The following BMERB1 variants were observed in gnomAD, a reference collection of about 807,000 sequenced individuals.
BMERB1 encodes the protein bMERB domain containing 1, also known as bMERB domain-containing protein 1.
Under a neutral mutation model 23.6 loss-of-function variants are expected in BMERB1, and 12 were observed. The observed-to-expected ratio is 0.51, with a 90% confidence interval of 0.33 to 0.82. The LOEUF (loss-of-function observed/expected upper bound fraction) is 0.82, where lower values mean the gene tolerates loss of function less well. Among genes scored for constraint, BMERB1 ranks in the 40% least tolerant of loss-of-function variants. The pLI, the probability that BMERB1 is intolerant of heterozygous loss-of-function variation, is 0.03. For synonymous variants in BMERB1, 122 were observed against 96.6 expected, an observed-to-expected ratio of 1.26 and a Z score of -1.54; for missense variants, 247 against 255.4, an observed-to-expected ratio of 0.97 and a Z score of 0.22.
Position 15,584,063 on chromosome 16 carries a change from A to C in BMERB1, c.502+825A>C, listed in dbSNP as rs758407933. The stretch of plus-strand genomic sequence containing the variant: ...TGTCTCAGAATATTAACCTCATCAG[A>C]TCCTCAGAGCAAAGAGGGTTTTATA... On this transcript the variant is annotated intron_variant, in intron 5 of 5. Coordinates refer to ENST00000300006, the MANE Select transcript of BMERB1 (RefSeq NM_033201.3). 4.3e-6 allele frequency: 3 copies of C among 702,102 alleles called. No individual in the cohort carries two copies. In the African/African-American group the frequency reaches 5.2e-5, roughly 12 times the overall value. The allele number at this position is 702,102 out of a possible 1,614,324, so 43.5% of individuals were successfully genotyped here.
chr16:15,441,865 A>G (rs916545892), intron 1 of BMERB1, among the ~76,000 whole-genome samples: 1 of 152,172 alleles, frequency 6.6e-6, no homozygotes, highest in Non-Finnish European at 1.5e-5. Flanking sequence ...TAGATGGGGA[A>G]TAAGTCCATA....
At chr16:15,583,090 T>C (rs2031055889) in intron 4 of BMERB1, 66 bp from the exon 5 acceptor site, 1 of 1,244,918 alleles carries the variant, frequency 8.0e-7, no homozygotes, top group Non-Finnish European at 1.2e-6. Context: ...GTTTATTTCA[T>C]TGGTTCCTTG....
intron 5 of BMERB1, among the ~76,000 whole-genome samples, chr16:15,583,520 G>A (rs2031068069): frequency 6.7e-6 from 1 of 149,042 alleles, no homozygotes; most frequent in African/African-American, 2.5e-5. Flanking sequence ...GGGGGTTGCA[G>A]TGAGCTGAGA....
At chr16:15,523,251 G>C (rs182864503) in intron 2 of BMERB1, among the ~76,000 whole-genome samples, 309 of 152,184 alleles carry the variant, frequency 2.0e-3, no homozygotes, top group Admixed American at 3.2e-3. Context: ...AGACGCTTGT[G>C]TCTTCTTTGC....
intron 3 of BMERB1, among the ~76,000 whole-genome samples, chr16:15,573,225 C>T (rs1272727302): frequency 2.6e-5 from 4 of 152,154 alleles, no homozygotes; most frequent in African/African-American, 9.7e-5. Flanking sequence ...AGCCTGACCT[C>T]CTCAATGGCT....
chr16:15,563,422 T>C (rs925334442), intron 2 of BMERB1, among the ~76,000 whole-genome samples: 1 of 152,010 alleles, frequency 6.6e-6, no homozygotes, highest in South Asian at 2.1e-4. Flanking sequence ...GGTTTCACCA[T>C]GTTAGACAGG....
At chr16:15,512,314 G>A (rs1476317838) in intron 1 of BMERB1, among the ~76,000 whole-genome samples, 5 of 152,126 alleles carry the variant, frequency 3.3e-5, no homozygotes, top group African/African-American at 7.2e-5. Flanking sequence ...AGAAGAGGGC[G>A]CTGTTCTATC....
intron 3 of BMERB1, among the ~76,000 whole-genome samples, chr16:15,574,107 TTACAATCATGGTGG>T (rs2030800227): frequency 6.7e-6 from 1 of 150,122 alleles, no homozygotes; most frequent in African/African-American, 2.5e-5. Context: ...CTCAGGAAAC[TTACAATCATGGTGG>T]AAGGTGAAGG....
chr16:15,573,233 G>T (rs2030776270), intron 3 of BMERB1, among the ~76,000 whole-genome samples: 3 of 152,172 alleles, frequency 2.0e-5, no homozygotes. Flanking sequence ...CTCCTCAATG[G>T]CTTATAGGTA....
chr16:15,549,676 TAAAA>T (rs768470162), intron 2 of BMERB1, among the ~76,000 whole-genome samples: 1 of 130,658 alleles, frequency 7.7e-6, no homozygotes, highest in Non-Finnish European at 1.7e-5. Context: ...AGACATTGTC[TAAAA>T]AAAAAAAAAA....
intron 2 of BMERB1, among the ~76,000 whole-genome samples, chr16:15,552,749 T>C (rs1313035602): frequency 6.6e-6 from 1 of 152,336 alleles, no homozygotes. Flanking sequence ...TGAAAATAGA[T>C]CAGGAGGGCT....
At chr16:15,541,905 A>AT (rs35159147) in intron 2 of BMERB1, among the ~76,000 whole-genome samples, 167 of 110,052 alleles carry the variant, frequency 1.5e-3, no homozygotes, top group Non-Finnish European at 1.8e-3. Context: ...CCCGGCCTAA[A>AT]TTTTTTTTTT....
chr16:15,453,008 A>C (rs1033763981), intron 1 of BMERB1, among the ~76,000 whole-genome samples: 1 of 152,222 alleles, frequency 6.6e-6, no homozygotes, highest in South Asian at 2.1e-4. Context: ...AAAAATAACA[A>C]CAACAACAAC....
chr16:15,524,775 AAAAT>A (rs1468645327), intron 2 of BMERB1, among the ~76,000 whole-genome samples: 3 of 152,210 alleles, frequency 2.0e-5, no homozygotes, highest in Non-Finnish European at 4.4e-5. Context: ...TGTGTCAAAG[AAAAT>A]AAATAAATCA....
chr16:15,556,569 C>CTTAT (rs1334141450), intron 2 of BMERB1, among the ~76,000 whole-genome samples: 1 of 152,026 alleles, frequency 6.6e-6, no homozygotes, highest in East Asian at 1.9e-4. Flanking sequence ...AACCCCTCAT[C>CTTAT]TTATTTATTT....
chr16:15,521,790 C>T (rs1042828431), intron 2 of BMERB1, among the ~76,000 whole-genome samples: 2 of 152,170 alleles, frequency 1.3e-5, no homozygotes, highest in African/African-American at 4.8e-5. Flanking sequence ...CAGCAAACAT[C>T]TGGCAGATAA....
intron 1 of BMERB1, among the ~76,000 whole-genome samples, chr16:15,492,798 A>G (rs2051434161): frequency 6.6e-6 from 1 of 152,134 alleles, no homozygotes; most frequent in African/African-American, 2.4e-5. Flanking sequence ...ACACACCTGT[A>G]GTCCCAGCTA....
intron 1 of BMERB1, among the ~76,000 whole-genome samples, chr16:15,475,105 A>G (rs1029123906): frequency 1.3e-5 from 2 of 152,186 alleles, no homozygotes; most frequent in Non-Finnish European, 2.9e-5. Flanking sequence ...AATATGAGGA[A>G]CAAACCTGAC....
At chr16:15,526,054 T>C (rs2051902030) in intron 2 of BMERB1, among the ~76,000 whole-genome samples, 1 of 152,190 alleles carries the variant, frequency 6.6e-6, no homozygotes, top group Admixed American at 6.5e-5. Context: ...GCATGTAAAA[T>C]TCAGTCTCTC....
Sources: allele counts gnomAD v4.1 joint callset (sites outside exome capture counted in the v4.1 genomes callset), GRCh38; gene constraint gnomAD v4.1.1; transcripts MANE v1.5; gene names NCBI Gene and HGNC (gene_info 2026-07-23, HGNC 2026-07-21).